The following RBFOX1 variants were observed in gnomAD, a reference collection of about 807,000 sequenced individuals.
RBFOX1 encodes the protein RNA binding fox-1 homolog 1.
A neutral mutation model predicts 57.7 loss-of-function variants in RBFOX1; 8 were observed. That is an observed-to-expected ratio of 0.14 (90% CI 0.08 to 0.25). RBFOX1 has a LOEUF of 0.25. RBFOX1 is among the 10% of genes least tolerant of loss of function. RBFOX1 has a pLI of 1.00. For missense variants in RBFOX1, 611 were observed against 548.5 expected, an observed-to-expected ratio of 1.11 and a Z score of -1.14; for synonymous variants, 326 against 222.4, an observed-to-expected ratio of 1.47 and a Z score of -4.15.
At chr16:7,283,350 C>G (rs7190863) in intron 4 of RBFOX1, among the ~76,000 whole-genome samples, 41,542 of 151,664 alleles carry the variant, frequency 0.27, 5,863 homozygotes, top group Middle Eastern at 0.35. Context: ...GCATTCCTGA[C>G]AGGGAGAAGA....
intron 1 of RBFOX1, among the ~76,000 whole-genome samples, chr16:6,113,952 G>A (rs143951270): frequency 2.1e-4 from 32 of 152,298 alleles, no homozygotes; most frequent in African/African-American, 7.7e-4. Context: ...CTGGTATCCA[G>A]CTGTTCTAAA....
rs553455023 is a variant in RBFOX1, at chr16:6,850,045, C to G, written c.-16+195395C>G. On this transcript the variant is annotated intron_variant, in intron 3 of 15. Transcript: ENST00000550418. ...TTTTCTCAAAGAAATACACCATGTA[C>G]TCCTTTGTGCATAGATACCTTCTTA... is the stretch of plus-strand genomic sequence containing the variant. Among the ~76,000 whole-genome samples the G allele has an allele frequency of 7.9e-5, 12 of 152,300 alleles. 1 individual carries two copies. Among genetic ancestry groups the G allele is most frequent in the Admixed American group, 4.6e-4 (7 of 15,298 alleles).
chr16:6,966,749 A>C (rs74010404), intron 3 of RBFOX1, among the ~76,000 whole-genome samples: 1 of 147,138 alleles, frequency 6.8e-6, no homozygotes, highest in African/African-American at 2.6e-5. Context: ...GCCTGCCTCT[A>C]TCTGTCTGTC....
intron 3 of RBFOX1, among the ~76,000 whole-genome samples, chr16:6,875,284 A>G (rs944076845): frequency 6.6e-6 from 1 of 152,224 alleles, no homozygotes; most frequent in Non-Finnish European, 1.5e-5. Flanking sequence ...TCTAAACAAT[A>G]CAACTCGTTA....
chr16:6,514,025 G>A (rs1300701675), intron 2 of RBFOX1, among the ~76,000 whole-genome samples: 2 of 152,152 alleles, frequency 1.3e-5, no homozygotes, highest in African/African-American at 4.8e-5. Flanking sequence ...ACCTTACAGA[G>A]AATCAACACC....
chr16:6,350,354 G>T (rs7191427), intron 2 of RBFOX1, among the ~76,000 whole-genome samples: 42,898 of 149,566 alleles, frequency 0.29, 6,475 homozygotes, highest in Middle Eastern at 0.38. Context: ...GGCAGGAGAA[G>T]CACTTGAACC....
intron 4 of RBFOX1, among the ~76,000 whole-genome samples, chr16:7,132,854 G>T (rs2070891385): frequency 6.6e-6 from 1 of 152,118 alleles, no homozygotes; most frequent in Non-Finnish European, 1.5e-5. Flanking sequence ...CATAAAGCAA[G>T]AGAATGCTGC....
rs138161505 is a variant in RBFOX1, at chr16:5,633,099, C to T, written c.318+34138C>T. On this transcript the variant is annotated intron_variant, in intron 3 of 19. Coordinates refer to the RBFOX1 transcript ENST00000641259. Reference sequence around the variant, plus strand: ...GACTGTAGGCACCAGTCACCATGCCCGGCTAATTTTTGTATTTTTAATAGA... The same window carrying T: ...GACTGTAGGCACCAGTCACCATGCCTGGCTAATTTTTGTATTTTTAATAGA... 2.8e-3 allele frequency among the ~76,000 whole-genome samples: 424 copies of T among 152,056 alleles called. 5 individuals carry two copies. Among genetic ancestry groups the T allele is most frequent in the African/African-American group, 9.7e-3 (403 of 41,458 alleles).
chr16:6,496,693 C>G (rs909367389), intron 2 of RBFOX1, among the ~76,000 whole-genome samples: 14 of 152,144 alleles, frequency 9.2e-5, no homozygotes, highest in African/African-American at 3.1e-4. Context: ...GGCACGGTGT[C>G]TCATGCCTGT....
At chr16:5,589,695 A>G (rs1056482668) in intron 2 of RBFOX1, among the ~76,000 whole-genome samples, 1 of 152,142 alleles carries the variant, frequency 6.6e-6, no homozygotes, top group Admixed American at 6.5e-5. Context: ...AGCATTCTGT[A>G]AGGTTACCTA....
intron 2 of RBFOX1, among the ~76,000 whole-genome samples, chr16:6,557,751 G>T (rs557922753): frequency 2.0e-5 from 3 of 152,288 alleles, no homozygotes; most frequent in Non-Finnish European, 4.4e-5. Context: ...AAATTGATTT[G>T]CTGTGAAAAA....
Position 6,413,134 on chromosome 16 carries a change from A to G in RBFOX1, c.-64+96077A>G, listed in dbSNP as rs372782923. 4.6e-5 allele frequency among the ~76,000 whole-genome samples: 7 copies of G among 152,084 alleles called. No individual in the cohort carries two copies. The East Asian group carries it at 9.7e-4, about 21-fold the overall frequency. On this transcript the variant is annotated intron_variant, in intron 2 of 15. Transcript: ENST00000550418. ...CGGGAGTTTGAGACCAGCCTAACCA[A>G]CATGGAGAAACCCTGTCTCTACTAA... is the stretch of plus-strand genomic sequence containing the variant.
intron 2 of RBFOX1, among the ~76,000 whole-genome samples, chr16:6,593,034 A>C (rs1422444353): frequency 2.6e-5 from 4 of 152,282 alleles, no homozygotes; most frequent in South Asian, 2.1e-4. Flanking sequence ...TGTACTAAAA[A>C]TACAAAAGTT....
Position 7,015,778 on chromosome 16 carries a change from T to G in RBFOX1, c.-15-36279T>G, listed in dbSNP as rs551931908. ...CATTTTCTTTTTTTTTCTTAAAGAT[T>G]TTTTTTTTCTGACTAATAACATTTT... On this transcript the variant is annotated intron_variant, in intron 3 of 15. Coordinates refer to ENST00000550418, the MANE Select transcript of RBFOX1 (RefSeq NM_018723.4). Among the ~76,000 whole-genome samples the G allele has an allele frequency of 6.6e-5, 10 of 151,602 alleles. No individual in the cohort carries two copies. In the East Asian group the frequency reaches 1.6e-3, roughly 24 times the overall value.
chr16:7,668,267 A>G (rs1046388237), intron 13 of RBFOX1, among the ~76,000 whole-genome samples: 1 of 152,146 alleles, frequency 6.6e-6, no homozygotes, highest in African/African-American at 2.4e-5. Flanking sequence ...ATAGTCATTG[A>G]AAGACCTGCG....
intron 3 of RBFOX1, among the ~76,000 whole-genome samples, chr16:6,696,195 G>C (rs1409763557): frequency 6.6e-6 from 1 of 152,146 alleles, no homozygotes; most frequent in African/African-American, 2.4e-5. Flanking sequence ...CTCTCTAGTT[G>C]ATATAATAAA....
chr16:6,370,743 G>A (rs2090317003), intron 2 of RBFOX1, among the ~76,000 whole-genome samples: 2 of 152,106 alleles, frequency 1.3e-5, no homozygotes, highest in Non-Finnish European at 2.9e-5. Context: ...AAGTTGAGAA[G>A]GTTTTAGAAT....
chr16:7,579,863 G>A lies in RBFOX1; in HGVS notation c.357G>A (p.Leu119=). The change falls in exon 6 of 16, where the codon CTG becomes CTA. Residue 119 remains leucine (L), a synonymous_variant. Transcript: ENST00000550418. ...AAAACAAGTCTCAGCCCAAGCGGCT[G>A]CATGTCTCCAATATCCCCTTCAGGT... ...NTENKSQPKR[L]HVSNIPFRFR... The A allele has an allele frequency of 3.7e-6, 6 of 1,614,120 alleles. No individual in the cohort carries two copies. The highest frequency in any genetic ancestry group is 5.1e-6 in the Non-Finnish European group (6 of 1,179,978).
chr16:5,308,776 T>C (rs1239994906), intron 1 of RBFOX1, among the ~76,000 whole-genome samples: 3 of 152,112 alleles, frequency 2.0e-5, no homozygotes, highest in Non-Finnish European at 4.4e-5. Flanking sequence ...ATTTGTCTTA[T>C]ATTAAGTATA....
Sources: gnomAD v4.1 joint callset for allele counts (sites outside exome capture counted in the v4.1 genomes callset) on GRCh38, gnomAD v4.1.1 for gene constraint, MANE v1.5 for transcripts, NCBI Gene and HGNC (gene_info 2026-07-23, HGNC 2026-07-21) for gene names.